TRAPPC8: variants seen among roughly 807,000 people sequenced by gnomAD.
The protein encoded by TRAPPC8 is general sporulation gene 1 homolog.
Under a neutral mutation model 174.3 loss-of-function variants are expected in TRAPPC8, and 54 were observed. That is an observed-to-expected ratio of 0.31 (90% CI 0.25 to 0.39). TRAPPC8 has a LOEUF of 0.39. Among genes scored for constraint, TRAPPC8 ranks in the 10% least tolerant of loss-of-function variants. The pLI, the probability that TRAPPC8 is intolerant of heterozygous loss-of-function variation, is 1.00. For synonymous variants in TRAPPC8, 630 were observed against 579.9 expected (o/e 1.09, Z -1.24); for missense variants, 1,531 against 1,699.1 (o/e 0.90, Z 1.74).
chr18:31,830,680 G>A lies in TRAPPC8; in HGVS notation c.*75C>T, dbSNP rs3744922. On this transcript the variant is annotated 3_prime_UTR_variant, in exon 29 of 29. Transcript: ENST00000283351. Reference sequence around the variant, plus strand: ...TCAATCAACCTCCATAACAAGTTAGGTATATCAAATACTGCTGTAAAACCC... The same window carrying A: ...TCAATCAACCTCCATAACAAGTTAGATATATCAAATACTGCTGTAAAACCC... The A allele has an allele frequency of 1.1e-3, 1,397 of 1,220,728 alleles. 26 individuals are homozygous for A. The East Asian group carries it at 0.029, about 26-fold the overall frequency. 75.6% of individuals were successfully genotyped at this position (1,220,728 alleles called of 1,614,324 possible). A position where few individuals can be genotyped will look rare whatever the true frequency, so the allele number is the denominator to read the frequency against.
At chr18:31,893,854 AAAT>A (rs1201811038) in intron 11 of TRAPPC8, among the ~76,000 whole-genome samples, 2 of 152,168 alleles carry the variant, frequency 1.3e-5, no homozygotes, top group African/African-American at 2.4e-5. Context: ...AAATAAAATA[AAAT>A]AATATACACA....
At chr18:31,915,441 T>A (rs1364352294) in intron 4 of TRAPPC8, among the ~76,000 whole-genome samples, 1 of 104,674 alleles carries the variant, frequency 9.6e-6, no homozygotes, top group Admixed American at 1.1e-4. Context: ...ACAGCCTAGG[T>A]GACAAAGTGA....
rs1266215447 is a variant in TRAPPC8 at position 31,942,735 on chromosome 18, C to T, written c.30G>A (p.Glu10=). 5.0e-6 allele frequency: 8 copies of T among 1,592,804 alleles called. No individual in the cohort carries two copies. Among genetic ancestry groups the T allele is most frequent in the East Asian group, 4.7e-5 (2 of 42,990 alleles). The part of the protein sequence containing the change: MAQCVQSVQ[E]LIPDSFVPCV... ...AGGGGACGAAGGAGTCCGGGATTAGCTCCTGCACTGATTGTACACACTGGG... is the reference window on the plus strand; with the variant it reads ...AGGGGACGAAGGAGTCCGGGATTAGTTCCTGCACTGATTGTACACACTGGG... Residue 10 remains glutamate, a synonymous_variant, in exon 1 of 29, where the codon GAG becomes GAA. Coordinates refer to ENST00000283351, the MANE Select transcript of TRAPPC8 (RefSeq NM_014939.5).
chr18:31,850,605 C>T (rs140168213), intron 24 of TRAPPC8, among the ~76,000 whole-genome samples: 80 of 152,246 alleles, frequency 5.3e-4, no homozygotes, highest in African/African-American at 1.9e-3. Context: ...TCCTGTATTA[C>T]AGGCTATGTA....
At position 31,849,498 on chromosome 18, in the gene TRAPPC8, G is replaced by A. The variant is rs140254833; in HGVS notation, c.3735+68C>T. ...ATAAAAAATATAAATAGTAATATAC[G>A]TTTGTGCTTAGCTTAAGACTCGAGT... On this transcript the variant is annotated intron_variant, in intron 25 of 28. Coordinates refer to ENST00000283351, the MANE Select transcript of TRAPPC8 (RefSeq NM_014939.5). 9.3e-5 allele frequency: 120 copies of A among 1,284,458 alleles called. No homozygotes were observed. In the African/African-American group the frequency reaches 1.1e-3, roughly 12 times the overall value. The allele number at this position is 1,284,458 out of a possible 1,614,324, so 79.6% of individuals were successfully genotyped here.
Position 31,830,613 on chromosome 18 carries a change from T to C in TRAPPC8, c.*142A>G, listed in dbSNP as rs570816643. Reference sequence around the variant, plus strand: ...TCTCAGTCCAACGTGCTTTGCATCATCAACAAAATGACAAGTCAAAGTATT... The same window carrying C: ...TCTCAGTCCAACGTGCTTTGCATCACCAACAAAATGACAAGTCAAAGTATT... On this transcript the variant is annotated 3_prime_UTR_variant, in exon 29 of 29. Coordinates refer to ENST00000283351, the MANE Select transcript of TRAPPC8 (RefSeq NM_014939.5). The C allele has an allele frequency of 4.0e-5, 27 of 674,980 alleles. No individual in the cohort carries two copies. The East Asian group carries it at 7.4e-4, about 19-fold the overall frequency. 41.8% of individuals were successfully genotyped at this position (674,980 alleles called of 1,614,324 possible).
intron 22 of TRAPPC8, among the ~76,000 whole-genome samples, chr18:31,853,646 T>C (rs115570827): frequency 0.01 from 1,564 of 152,220 alleles, 32 homozygotes; most frequent in African/African-American, 0.035. Flanking sequence ...AATACAAGTA[T>C]AAAAGATGTG....
intron 1 of TRAPPC8, among the ~76,000 whole-genome samples, chr18:31,937,005 G>A (rs1308112086): frequency 6.6e-6 from 1 of 151,464 alleles, no homozygotes; most frequent in Non-Finnish European, 1.5e-5. Context: ...GAGGTCAGGA[G>A]ATCAAGACCA....
In TRAPPC8 at chr18:31,864,711, G is replaced by T. The variant is rs781387310; in HGVS notation, c.2661C>A (p.Asn887Lys). Residue 887 changes from asparagine to lysine, a missense_variant, in exon 19 of 29, where the codon AAC becomes AAA. Coordinates refer to ENST00000283351, the MANE Select transcript of TRAPPC8 (RefSeq NM_014939.5). ...DLEIQGPRLN[N>K]TKEEKTSVKY... ...TAACAGATGTTTTCTCTTCTTTTGT[G>T]TTGTTAAGTCGAGGACCTTGAATTT... 6.2e-7 allele frequency: 1 copy of T among 1,613,020 alleles called. No individual in the cohort carries two copies. The highest frequency in any genetic ancestry group is 8.5e-7 in the Non-Finnish European group (1 of 1,179,462).
intron 2 of TRAPPC8, among the ~76,000 whole-genome samples, chr18:31,922,693 T>C (rs988666920): frequency 6.6e-6 from 1 of 152,052 alleles, no homozygotes; most frequent in African/African-American, 2.4e-5. Flanking sequence ...TGTTCTTTCT[T>C]TGGAATTGAA....
intron 1 of TRAPPC8, among the ~76,000 whole-genome samples, chr18:31,935,908 T>C (rs932185072): frequency 6.7e-6 from 1 of 150,070 alleles, no homozygotes; most frequent in Admixed American, 6.6e-5. Context: ...GCTAATTTTT[T>C]GTGTTTTTTT....
intron 26 of TRAPPC8, among the ~76,000 whole-genome samples, chr18:31,843,120 CT>C (rs1224816568): frequency 6.6e-6 from 1 of 152,114 alleles, no homozygotes; most frequent in African/African-American, 2.4e-5. Context: ...TTCTAAAACA[CT>C]TTACACTTAA....
intron 5 of TRAPPC8, 38 bp downstream of exon 5, chr18:31,913,331 C>G: frequency 1.3e-6 from 2 of 1,528,390 alleles, no homozygotes; most frequent in Non-Finnish European, 1.7e-6. Flanking sequence ...ACTGAAGTAT[C>G]GTTTTTGTGG....
In TRAPPC8 at chr18:31,852,584, A is replaced by G. The variant is rs764082129; in HGVS notation, c.3502+11T>C. The stretch of plus-strand genomic sequence containing the variant: ...ACCATTTAGTAAAGTGTAAAAGTAA[A>G]GTGAATTTACCTTCTTCTTTCTCAC... On this transcript the variant is annotated intron_variant, in intron 23 of 28. Coordinates refer to ENST00000283351, the MANE Select transcript of TRAPPC8 (RefSeq NM_014939.5). 4.3e-6 allele frequency: 7 copies of G among 1,613,894 alleles called. No individual in the cohort carries two copies. The Admixed American group carries it at 1.2e-4, about 27-fold the overall frequency.
intron 14 of TRAPPC8, 119 bp from the exon 15 acceptor site, chr18:31,871,239 TTTCTAA>T (rs75326197): frequency 0.26 from 127,331 of 492,452 alleles, 18,446 homozygotes; most frequent in South Asian, 0.51. Context: ...CTCTTGCCTA[TTTCTAA>T]TTCTGAGTGA....
intron 15 of TRAPPC8, 44 bp from the exon 16 acceptor site, chr18:31,870,546 C>T (rs2034805266): frequency 3.2e-6 from 5 of 1,571,986 alleles, no homozygotes; most frequent in Non-Finnish European, 4.3e-6. Flanking sequence ...ATAAACATCA[C>T]ACCTCATTCT....
chr18:31,934,938 A>C (rs997372738), intron 1 of TRAPPC8, among the ~76,000 whole-genome samples: 3 of 138,860 alleles, frequency 2.2e-5, no homozygotes, highest in Non-Finnish European at 4.6e-5. Context: ...CAACAGAGAG[A>C]GGCTCCGTCT....
chr18:31,886,913 G>T (rs1360277725), intron 12 of TRAPPC8, among the ~76,000 whole-genome samples: 1 of 152,054 alleles, frequency 6.6e-6, no homozygotes, highest in African/African-American at 2.4e-5. Context: ...CCCGGGAGGT[G>T]GAGGTTGCAG....
intron 24 of TRAPPC8, among the ~76,000 whole-genome samples, chr18:31,851,831 G>A (rs1396911318): frequency 6.6e-6 from 1 of 151,922 alleles, no homozygotes; most frequent in South Asian, 2.1e-4. Context: ...ATTCCATTGT[G>A]ACCACTTTCC....
Sources: gnomAD v4.1 joint callset for allele counts (sites outside exome capture counted in the v4.1 genomes callset) on GRCh38, gnomAD v4.1.1 for gene constraint, MANE v1.5 for transcripts, NCBI Gene and HGNC (gene_info 2026-07-23, HGNC 2026-07-21) for gene names.